LRRC7: variants seen among roughly 807,000 people sequenced by gnomAD.
LRRC7 encodes leucine rich repeat containing 7, also known as leucine-rich repeat-containing protein 7.
Under a neutral mutation model 175.7 loss-of-function variants are expected in LRRC7, and 23 were observed. The observed-to-expected ratio is 0.13, with a 90% CI of 0.09 to 0.19. The LOEUF (loss-of-function observed/expected upper bound fraction) is 0.19, where lower values mean the gene tolerates loss of function less well. LRRC7 is among the 10% of genes least tolerant of loss of function. LRRC7 has a pLI of 1.00. For missense variants in LRRC7, 1,354 were observed against 1,904.7 expected (o/e 0.71, Z 5.38); for synonymous variants, 685 against 680.9 (o/e 1.01, Z -0.09).
At chr1:69,584,034 C>T (rs1646306627) in intron 1 of LRRC7, among the ~76,000 whole-genome samples, 1 of 152,118 alleles carries the variant, frequency 6.6e-6, no homozygotes, top group Non-Finnish European at 1.5e-5. Context: ...AAGACTTACT[C>T]ATTTTGATGA....
intron 7 of LRRC7, among the ~76,000 whole-genome samples, chr1:69,915,683 C>T (rs1298617256): frequency 6.6e-6 from 1 of 151,984 alleles, no homozygotes; most frequent in Non-Finnish European, 1.5e-5. Flanking sequence ...TTTTAAAAAT[C>T]ATGCAACACT....
At position 70,133,358 on chromosome 1, in the gene LRRC7, C is replaced by T. The variant is rs1291255087; in HGVS notation, c.*11471C>T. ...GCCTCAGCCTCCCGAGTAGCTGGGACTACAGGCATGCACCACCACGCCCGG... is the reference window on the plus strand; with the variant it reads ...GCCTCAGCCTCCCGAGTAGCTGGGATTACAGGCATGCACCACCACGCCCGG... On this transcript the variant is annotated 3_prime_UTR_variant, in exon 27 of 27. Transcript: ENST00000651989. Among the ~76,000 whole-genome samples the T allele has an allele frequency of 1.3e-5, 2 of 151,916 alleles. No individual in the cohort carries two copies. Among genetic ancestry groups the T allele is most frequent in the African/African-American group, 4.8e-5 (2 of 41,368 alleles).
intron 5 of LRRC7, among the ~76,000 whole-genome samples, chr1:69,827,718 A>C (rs1680081686): frequency 6.6e-6 from 1 of 152,064 alleles, no homozygotes; most frequent in Non-Finnish European, 1.5e-5. Context: ...GTGTGCCTGT[A>C]GTCCTAGCTG....
At chr1:69,669,765 CTTTT>C (rs1421782327) in intron 1 of LRRC7, among the ~76,000 whole-genome samples, 7 of 151,940 alleles carry the variant, frequency 4.6e-5, no homozygotes, top group African/African-American at 1.2e-4. Context: ...ATTCTTCTTT[CTTTT>C]GTCTTCTCTG....
chr1:69,631,878 A>G (rs1352335163), intron 1 of LRRC7, among the ~76,000 whole-genome samples: 1 of 152,076 alleles, frequency 6.6e-6, no homozygotes. Flanking sequence ...GCCAGAGTAT[A>G]CATCTTAATC....
At chr1:69,587,773 A>G (rs1646460249) in intron 1 of LRRC7, among the ~76,000 whole-genome samples, 1 of 151,888 alleles carries the variant, frequency 6.6e-6, no homozygotes, top group Admixed American at 6.6e-5. Flanking sequence ...TTTCCCTATT[A>G]TTATCTCTCT....
At chr1:70,075,035 A>G (rs1305416065) in intron 23 of LRRC7, among the ~76,000 whole-genome samples, 1 of 152,206 alleles carries the variant, frequency 6.6e-6, no homozygotes, top group Non-Finnish European at 1.5e-5. Flanking sequence ...AATTCAAGTC[A>G]CCTATCCTTA....
chr1:69,770,046 A>T (rs1022024757), intron 3 of LRRC7, among the ~76,000 whole-genome samples: 1 of 152,170 alleles, frequency 6.6e-6, no homozygotes, highest in Non-Finnish European at 1.5e-5. Context: ...GAATTCACAG[A>T]ACAGTGATGG....
intron 7 of LRRC7, among the ~76,000 whole-genome samples, chr1:69,924,372 G>A (rs1361685419): frequency 6.6e-6 from 1 of 152,140 alleles, no homozygotes; most frequent in African/African-American, 2.4e-5. Context: ...GGATGGCATT[G>A]AATCTATAAA....
At chr1:69,672,013 A>AT (rs1553136863) in intron 1 of LRRC7, among the ~76,000 whole-genome samples, 3 of 152,102 alleles carry the variant, frequency 2.0e-5, no homozygotes, top group Non-Finnish European at 2.9e-5. Flanking sequence ...CTTTAAAAAA[A>AT]TTTTTTTTAT....
At chr1:69,812,742 C>G (rs1439744856) in intron 4 of LRRC7, among the ~76,000 whole-genome samples, 4 of 151,958 alleles carry the variant, frequency 2.6e-5, no homozygotes, top group African/African-American at 9.7e-5. Flanking sequence ...CATAAGCATT[C>G]AATATGCATT....
At chr1:69,721,747 A>G (rs149102306) in intron 2 of LRRC7, among the ~76,000 whole-genome samples, 45 of 151,972 alleles carry the variant, frequency 3.0e-4, no homozygotes, top group Admixed American at 8.5e-4. Context: ...AATTGAATCT[A>G]TCATTATTTA....
At chr1:69,652,188 CA>C (rs1365787409) in intron 1 of LRRC7, among the ~76,000 whole-genome samples, 3 of 152,012 alleles carry the variant, frequency 2.0e-5, no homozygotes, top group Non-Finnish European at 4.4e-5. Flanking sequence ...AAAGGGCATA[CA>C]AATAAGAAAG....
chr1:69,958,710 G>T (rs557978231), intron 8 of LRRC7, among the ~76,000 whole-genome samples: 28 of 152,120 alleles, frequency 1.8e-4, no homozygotes, highest in African/African-American at 5.5e-4. Flanking sequence ...GAAAACTACT[G>T]AAGTGACCGC....
At chr1:69,712,045 C>T (rs1306734071) in intron 2 of LRRC7, among the ~76,000 whole-genome samples, 1 of 152,106 alleles carries the variant, frequency 6.6e-6, no homozygotes, top group East Asian at 1.9e-4. Flanking sequence ...GACTAAAAAT[C>T]TAGAAACCAG....
At chr1:69,734,837 T>C (rs2100830945) in intron 2 of LRRC7, among the ~76,000 whole-genome samples, 1 of 152,072 alleles carries the variant, frequency 6.6e-6, no homozygotes, top group South Asian at 2.1e-4. Flanking sequence ...TAGTGGACTA[T>C]AGACAAAATG....
chr1:69,781,688 G>GAAGAAAGAAAGAAAAAGAAAGAAAGA (rs1673533119), intron 3 of LRRC7, among the ~76,000 whole-genome samples: 1 of 43,906 alleles, frequency 2.3e-5, no homozygotes. Flanking sequence ...TCAAAAAAAA[G>GAAGAAAGAAAGAAAAAGAAAGAAAGA]AAGAAAGAAA....
intron 2 of LRRC7, among the ~76,000 whole-genome samples, chr1:69,689,302 A>G (rs1250591152): frequency 6.6e-6 from 1 of 152,196 alleles, no homozygotes; most frequent in Admixed American, 6.6e-5. Flanking sequence ...GCAACGTCAC[A>G]TAGCTAGTAA....
In LRRC7 at chr1:70,023,230, G is replaced by C. The variant is rs1278655089; in HGVS notation, c.1650G>C (p.Gln550His). Reference sequence around the variant, plus strand: ...GCACACCATGGGCCAGGTGTGATCAGCAGATCCAAGATATGCCCGTCCCCC... The same window carrying C: ...GCACACCATGGGCCAGGTGTGATCACCAGATCCAAGATATGCCCGTCCCCC... ...DCCTPWARCD[Q>H]QIQDMPVPQN... Residue 550 changes from glutamine (Q) to histidine (H), a missense_variant, in exon 17 of 27, where the codon CAG becomes CAC. By Grantham distance (24) the Gln-to-His change is conservative. This residue lies in a region of LRRC7 where 1,032 missense variants were observed against 1,227.2 expected (regional missense o/e 0.84). Coordinates refer to ENST00000651989, the MANE Select transcript of LRRC7 (RefSeq NM_001370785.2). 11 of 1,612,064 alleles carry C rather than the reference G, an allele frequency of 6.8e-6. No individual in the cohort carries two copies. The highest frequency in any genetic ancestry group is 9.3e-6 in the Non-Finnish European group (11 of 1,178,898).
Sources: gnomAD v4.1 joint callset for allele counts (sites outside exome capture counted in the v4.1 genomes callset) on GRCh38, gnomAD v4.1.1 for gene constraint, gnomAD v4.1.1 regional missense constraint, MANE v1.5 for transcripts, NCBI Gene and HGNC (gene_info 2026-07-23, HGNC 2026-07-21) for gene names.